Variants in IQUB observed in about 807,000 individuals in gnomAD.
IQUB encodes the protein IQ motif and ubiquitin domain containing.
In IQUB, 86 loss-of-function variants were observed where a neutral mutation model predicts 86.4. The ratio of observed to expected loss-of-function variants is 1.00; its 90% CI spans 0.84 to 1.19. The LOEUF is 1.19. Ranked by LOEUF, IQUB falls within the 50% of genes most tolerant of loss-of-function variation. The pLI is 0.00. For missense variants in IQUB, 946 were observed against 916.9 expected (o/e 1.03, Z -0.41); for synonymous variants, 289 against 304.5 (o/e 0.95, Z 0.53).
At chr7:123,464,540 A>G (rs1013951058) in intron 10 of IQUB, among the ~76,000 whole-genome samples, 2 of 151,950 alleles carry the variant, frequency 1.3e-5, no homozygotes, top group Non-Finnish European at 2.9e-5. Flanking sequence ...AACGGTATGT[A>G]CAAAGCCATG....
intron 1 of IQUB, among the ~76,000 whole-genome samples, chr7:123,515,408 T>C (rs997279457): frequency 5.9e-5 from 9 of 152,104 alleles, no homozygotes; most frequent in African/African-American, 2.2e-4. Context: ...TCAGACTATA[T>C]AGAGAATAAT....
chr7:123,509,880 T>G, intron 3 of IQUB, 21 bp downstream of exon 3: 4 of 1,584,386 alleles, frequency 2.5e-6, no homozygotes, highest in South Asian at 1.2e-5. Flanking sequence ...CTTGATATGT[T>G]TTATTAGCCT....
intron 7 of IQUB, among the ~76,000 whole-genome samples, chr7:123,489,779 G>T (rs1447723714): frequency 2.0e-5 from 3 of 151,664 alleles, no homozygotes; most frequent in Non-Finnish European, 4.4e-5. Flanking sequence ...ACATATATCT[G>T]CTAGGATTTT....
chr7:123,478,065 T>C (rs574056780), intron 8 of IQUB, among the ~76,000 whole-genome samples: 69 of 152,284 alleles, frequency 4.5e-4, no homozygotes, highest in Non-Finnish European at 8.8e-4. Flanking sequence ...AGAAGTACCA[T>C]TTGACTTAGT....
At chr7:123,474,262 T>C (rs1381351747) in intron 8 of IQUB, among the ~76,000 whole-genome samples, 1 of 152,218 alleles carries the variant, frequency 6.6e-6, no homozygotes, top group Non-Finnish European at 1.5e-5. Flanking sequence ...TAAATGAAGA[T>C]CTTCAAATTC....
At chr7:123,494,371 T>C (rs1562855759) in intron 7 of IQUB, among the ~76,000 whole-genome samples, 1 of 152,118 alleles carries the variant, frequency 6.6e-6, no homozygotes, top group Non-Finnish European at 1.5e-5. Flanking sequence ...ACAATTATCA[T>C]TATGAGCCAC....
chr7:123,495,942 A>T (rs1562856745), intron 7 of IQUB, among the ~76,000 whole-genome samples: 1 of 152,154 alleles, frequency 6.6e-6, no homozygotes, highest in Non-Finnish European at 1.5e-5. Context: ...TGAAAAAAAG[A>T]TGTAGTATTA....
rs1044843990 is a variant in IQUB at position 123,509,125 on chromosome 7, A to T, written c.532+776T>A. Among the ~76,000 whole-genome samples, 92 of 152,296 alleles carry T rather than the reference A, an allele frequency of 6.0e-4. 1 individual carries two copies. Among genetic ancestry groups the T allele is most frequent in the Non-Finnish European group, 4.4e-5 (3 of 68,022 alleles). ...TTCTCTGGAAACTTTTTGTGGCATC[A>T]TTATAAGTCAATATCAAAACTGTTT... is the stretch of plus-strand genomic sequence containing the variant. On this transcript the variant is annotated intron_variant, in intron 3 of 12. Transcript: ENST00000324698.
chr7:123,477,006 T>C (rs1253737449), intron 8 of IQUB, among the ~76,000 whole-genome samples: 1 of 152,128 alleles, frequency 6.6e-6, no homozygotes, highest in African/African-American at 2.4e-5. Flanking sequence ...AAAATGGCCA[T>C]ACTACCCAAG....
intron 3 of IQUB, 43 bp from the exon 4 acceptor site, chr7:123,503,406 AATGGCT>A: frequency 9.7e-7 from 1 of 1,031,572 alleles, no homozygotes; most frequent in Non-Finnish European, 1.4e-6. Flanking sequence ...ATGACAAAGA[AATGGCT>A]ATTCATTGAT....
intron 7 of IQUB, among the ~76,000 whole-genome samples, chr7:123,493,292 T>C (rs1180699520): frequency 2.0e-5 from 3 of 152,236 alleles, no homozygotes; most frequent in East Asian, 1.9e-4. Flanking sequence ...CCCCAAAGCA[T>C]AGCAATGGCT....
chr7:123,500,997 C>T (rs1795919883), intron 6 of IQUB: 2 of 152,152 alleles, frequency 1.3e-5, no homozygotes, highest in South Asian at 2.1e-4. Flanking sequence ...ATTGCAATCT[C>T]ATTGAGGAGC....
chr7:123,469,325 C>T lies in IQUB; in HGVS notation c.1470G>A (p.Gln490=). 1 of 1,608,588 alleles carries T rather than the reference C, an allele frequency of 6.2e-7. No homozygotes were observed. Among genetic ancestry groups the T allele is most frequent in the Non-Finnish European group, 8.5e-7 (1 of 1,177,070 alleles). The change falls in exon 9 of 13, where the codon CAG becomes CAA. Residue 490 remains glutamine, a synonymous_variant. Transcript: ENST00000324698. ...GCAGCTCTCTGGCTCTGATGGTGAA[C>T]TGCGTATCCATCTCAATTGTTTTGC... ...PNGKTIEMDT[Q]FTIRARELQN...
At chr7:123,486,900 C>T (rs1359004168) in intron 7 of IQUB, among the ~76,000 whole-genome samples, 1 of 143,566 alleles carries the variant, frequency 7.0e-6, no homozygotes, top group African/African-American at 2.5e-5. Context: ...GTTATTAGAA[C>T]ATTGGTAAAT....
chr7:123,534,310 A>G (rs10081283), intron 1 of IQUB, among the ~76,000 whole-genome samples, 182 bp downstream of exon 1: 57,414 of 151,996 alleles, frequency 0.38, 11,021 homozygotes, highest in African/African-American at 0.44. Context: ...GAGAAAGATG[A>G]GATGCTTCGC....
At chr7:123,502,467 CA>C in intron 6 of IQUB, 129 bp downstream of exon 6, 1 of 723,302 alleles carries the variant, frequency 1.4e-6, no homozygotes, top group Non-Finnish European at 2.3e-6. Context: ...GCTTTGTTAG[CA>C]GTGAAATATG....
chr7:123,459,003 G>A (rs992721600), intron 11 of IQUB, among the ~76,000 whole-genome samples: 10 of 151,760 alleles, frequency 6.6e-5, no homozygotes, highest in African/African-American at 1.7e-4. Context: ...TACTATTTAT[G>A]AGAATGTTCA....
intron 7 of IQUB, among the ~76,000 whole-genome samples, chr7:123,489,597 ATGT>A (rs969841594): frequency 2.0e-5 from 3 of 151,934 alleles, no homozygotes; most frequent in African/African-American, 7.2e-5. Flanking sequence ...TCCACATATT[ATGT>A]TGATATTTTT....
intron 2 of IQUB, among the ~76,000 whole-genome samples, chr7:123,511,532 C>T (rs754230377): frequency 8.5e-5 from 13 of 152,106 alleles, no homozygotes; most frequent in Non-Finnish European, 1.8e-4. Flanking sequence ...GCACTGGATA[C>T]GAAACTAGAA....
Sources: gnomAD v4.1 joint callset for allele counts (sites outside exome capture counted in the v4.1 genomes callset) on GRCh38, gnomAD v4.1.1 for gene constraint, MANE v1.5 for transcripts, NCBI Gene and HGNC (gene_info 2026-07-23, HGNC 2026-07-21) for gene names.